The following SULT4A1 variants were observed in gnomAD, a reference collection of about 807,000 sequenced individuals.
The protein encoded by SULT4A1 is sulfotransferase 4A1.
SULT4A1 carries 11 observed loss-of-function variants against 35.2 expected under a neutral mutation model. That is an observed-to-expected ratio of 0.31 (90% CI 0.20 to 0.52). SULT4A1 has a LOEUF of 0.52. Among genes scored for constraint, SULT4A1 ranks in the 20% least tolerant of loss-of-function variants. The pLI is 0.97. For synonymous variants in SULT4A1, 152 were observed against 151.8 expected (o/e 1.00, Z -0.01); for missense variants, 271 against 383.7 (o/e 0.71, Z 2.45).
chr22:43,858,376 G>A (rs1294798323), intron 1 of SULT4A1, among the ~76,000 whole-genome samples: 2 of 152,136 alleles, frequency 1.3e-5, no homozygotes. Context: ...TGAGTGATGG[G>A]GAGAAACGTG....
At chr22:43,831,928 C>T (rs1350935629) in intron 5 of SULT4A1, among the ~76,000 whole-genome samples, 19 of 152,264 alleles carry the variant, frequency 1.2e-4, no homozygotes, top group Admixed American at 1.2e-3. Flanking sequence ...AAAAGGTACA[C>T]ACCAGGCGGG....
At chr22:43,852,007 G>T (rs989747249) in intron 1 of SULT4A1, among the ~76,000 whole-genome samples, 1 of 152,154 alleles carries the variant, frequency 6.6e-6, no homozygotes, top group Non-Finnish European at 1.5e-5. Context: ...TGCTCTGGGA[G>T]TTCAGAGCTT....
At chr22:43,847,591 C>G (rs1257580002) in intron 1 of SULT4A1, among the ~76,000 whole-genome samples, 3 of 151,122 alleles carry the variant, frequency 2.0e-5, no homozygotes, top group Non-Finnish European at 1.5e-5. Context: ...CCCACCCCCT[C>G]TTCTCTGGCC....
intron 5 of SULT4A1, among the ~76,000 whole-genome samples, chr22:43,830,077 A>G (rs1278269102): frequency 6.6e-6 from 1 of 152,248 alleles, no homozygotes; most frequent in African/African-American, 2.4e-5. Context: ...TGACTCCTGC[A>G]GCAGCGGTTG....
At chr22:43,848,152 G>T (rs1032162604) in intron 1 of SULT4A1, among the ~76,000 whole-genome samples, 3 of 152,156 alleles carry the variant, frequency 2.0e-5, no homozygotes, top group African/African-American at 7.2e-5. Flanking sequence ...GGCTGGCCCA[G>T]GAGTCCCAGG....
intron 1 of SULT4A1, among the ~76,000 whole-genome samples, chr22:43,844,676 A>G (rs2063460816): frequency 6.6e-6 from 1 of 152,096 alleles, no homozygotes; most frequent in Non-Finnish European, 1.5e-5. Flanking sequence ...GGCCAACCAC[A>G]GCACTCTCCG....
chr22:43,853,010 T>C (rs2049359164), intron 1 of SULT4A1, among the ~76,000 whole-genome samples: 1 of 151,888 alleles, frequency 6.6e-6, no homozygotes, highest in South Asian at 2.1e-4. Flanking sequence ...CAGAGTGCTT[T>C]ACACACCCAT....
intron 1 of SULT4A1, among the ~76,000 whole-genome samples, chr22:43,848,063 G>A (rs750306952): frequency 2.6e-5 from 4 of 151,934 alleles, no homozygotes; most frequent in Non-Finnish European, 5.9e-5. Context: ...CTGGCGCTCT[G>A]ACCCCAGCAC....
At position 43,841,907 on chromosome 22, in the gene SULT4A1, G is replaced by A; in HGVS notation, c.195C>T (p.Val65=). ...GGTCAGCGCCCTGGCTCACCAAGTA[G>A]ACCACCTCCTGCAGCAAGCTGGTGC... The part of the protein sequence containing the change: ...KSGTSLLQEV[V]YLVSQGADPD... The change falls in exon 2 of 7, where the codon GTC becomes GTT. Residue 65 remains valine (V), a synonymous_variant. Transcript: ENST00000330884. The A allele has an allele frequency of 6.2e-7, 1 of 1,613,670 alleles. No homozygotes were observed. Among genetic ancestry groups the A allele is most frequent in the Non-Finnish European group, 8.5e-7 (1 of 1,179,730 alleles).
intron 1 of SULT4A1, among the ~76,000 whole-genome samples, chr22:43,849,792 C>T (rs2063499229): frequency 6.6e-6 from 1 of 152,220 alleles, no homozygotes; most frequent in African/African-American, 2.4e-5. Context: ...ACCCTTAACC[C>T]TCGCTGGCAG....
Position 43,840,036 on chromosome 22 carries a change from T to C in SULT4A1, c.301-11A>G. On this transcript the variant is annotated splice_polypyrimidine_tract_variant and intron_variant, in intron 2 of 6. Coordinates refer to ENST00000330884, the MANE Select transcript of SULT4A1 (RefSeq NM_014351.4). The stretch of plus-strand genomic sequence containing the variant: ...GGGAGAGGTCAGTTCCTGCGTGGAG[T>C]CAGAGGGAGAGGCAGGTCAGAGGAA... 6.3e-7 allele frequency: 1 copy of C among 1,582,870 alleles called. No homozygotes were observed. The highest frequency in any genetic ancestry group is 8.6e-7 in the Non-Finnish European group (1 of 1,167,586).
intron 1 of SULT4A1, among the ~76,000 whole-genome samples, chr22:43,854,594 T>C (rs1297114411): frequency 6.6e-6 from 1 of 152,218 alleles, no homozygotes; most frequent in Non-Finnish European, 1.5e-5. Context: ...TGAGGGCTTC[T>C]GACCTCAAGC....
intron 1 of SULT4A1, among the ~76,000 whole-genome samples, chr22:43,845,698 A>G (rs1484964113): frequency 6.6e-6 from 1 of 152,158 alleles, no homozygotes; most frequent in Non-Finnish European, 1.5e-5. Flanking sequence ...CGAGACGCAC[A>G]GGAGGAGGCG....
At chr22:43,859,838 A>G (rs144906039) in intron 1 of SULT4A1, among the ~76,000 whole-genome samples, 1 of 152,340 alleles carries the variant, frequency 6.6e-6, no homozygotes, top group East Asian at 1.9e-4. Context: ...CTACTGAGGA[A>G]CAGAATTTCC....
Position 43,833,738 on chromosome 22 carries a change from C to T in SULT4A1, c.509-4G>A, listed in dbSNP as rs1235596189. ...TCAAACCAGGAGCCGTAGCCCACTG[C>T]GGAGACAGGGGACAGGGTGAGCCAC... On this transcript the variant is annotated splice_region_variant and splice_polypyrimidine_tract_variant and intron_variant, in intron 4 of 6. Coordinates refer to ENST00000330884, the MANE Select transcript of SULT4A1 (RefSeq NM_014351.4). The T allele has an allele frequency of 3.8e-6, 6 of 1,564,962 alleles. No homozygotes were observed. Among genetic ancestry groups the T allele is most frequent in the South Asian group, 3.5e-5 (3 of 85,204 alleles).
intron 4 of SULT4A1, 23 bp downstream of exon 4, chr22:43,838,844 T>G: frequency 6.2e-7 from 1 of 1,613,488 alleles, no homozygotes; most frequent in Admixed American, 1.7e-5. Flanking sequence ...GGTTCTAACA[T>G]GCCGCCAGGC....
intron 1 of SULT4A1, among the ~76,000 whole-genome samples, chr22:43,856,772 C>A (rs541612297): frequency 6.6e-6 from 1 of 152,174 alleles, no homozygotes. Context: ...GATCAACACC[C>A]GAACCCAAAC....
At chr22:43,853,186 TACACCCACACACACTACACACAC>T (rs1377055400) in intron 1 of SULT4A1, among the ~76,000 whole-genome samples, 3 of 151,202 alleles carry the variant, frequency 2.0e-5, no homozygotes, top group Non-Finnish European at 4.4e-5. Context: ...ACCACACACA[TACACCCACACACACTACACACAC>T]ACAGCACCAA....
At chr22:43,835,781 A>G (rs906224108) in intron 4 of SULT4A1, among the ~76,000 whole-genome samples, 5 of 152,246 alleles carry the variant, frequency 3.3e-5, no homozygotes, top group Non-Finnish European at 5.9e-5. Context: ...TCCCGGTGAC[A>G]TGGAGTTGCA....
Sources: gnomAD v4.1 joint callset for allele counts (sites outside exome capture counted in the v4.1 genomes callset) on GRCh38, gnomAD v4.1.1 for gene constraint, MANE v1.5 for transcripts, NCBI Gene and HGNC (gene_info 2026-07-23, HGNC 2026-07-21) for gene names.